The following PPFIA2 variants were observed in gnomAD, a reference collection of about 807,000 sequenced individuals.
The protein encoded by PPFIA2 is PPFI scaffold protein A2.
In PPFIA2, 46 loss-of-function variants were observed where a neutral mutation model predicts 175.5. That is an observed-to-expected ratio of 0.26 (90% CI 0.21 to 0.34). The LOEUF is 0.34. Ranked by LOEUF, PPFIA2 falls within the 10% of genes least tolerant of loss-of-function variation. The pLI is 1.00. For missense variants in PPFIA2, 1,179 were observed against 1,506.1 expected, an observed-to-expected ratio of 0.78 and a Z score of 3.60; for synonymous variants, 568 against 511.4, an observed-to-expected ratio of 1.11 and a Z score of -1.49.
intron 8 of PPFIA2, among the ~76,000 whole-genome samples, chr12:81,399,582 T>C (rs1391657335): frequency 6.6e-6 from 1 of 152,138 alleles, no homozygotes; most frequent in Non-Finnish European, 1.5e-5. Context: ...TTGATACAAC[T>C]TCATGTATAT....
intron 4 of PPFIA2, among the ~76,000 whole-genome samples, chr12:81,461,525 G>A (rs1371131213): frequency 6.6e-6 from 1 of 152,038 alleles, no homozygotes; most frequent in Non-Finnish European, 1.5e-5. Context: ...AGTTGTTGCA[G>A]TTGACCTCAT....
intron 4 of PPFIA2, among the ~76,000 whole-genome samples, chr12:81,468,848 G>T (rs2056226037): frequency 6.6e-6 from 1 of 151,190 alleles, no homozygotes; most frequent in African/African-American, 2.4e-5. Flanking sequence ...ATAGCACTTT[G>T]TGTTATAATA....
intron 4 of PPFIA2, among the ~76,000 whole-genome samples, chr12:81,670,669 C>T (rs773232212): frequency 9.3e-4 from 141 of 152,028 alleles, no homozygotes; most frequent in East Asian, 7.8e-4. Context: ...CATTTAATCT[C>T]TCAGGCCCCT....
At chr12:81,294,150 G>A (rs1223118424) in intron 24 of PPFIA2, among the ~76,000 whole-genome samples, 1 of 152,108 alleles carries the variant, frequency 6.6e-6, no homozygotes, top group African/African-American at 2.4e-5. Flanking sequence ...AAGGGAAGAG[G>A]TTGGTAGGGA....
intron 4 of PPFIA2, among the ~76,000 whole-genome samples, chr12:81,496,435 G>C (rs895589486): frequency 6.6e-6 from 1 of 152,088 alleles, no homozygotes; most frequent in South Asian, 2.1e-4. Context: ...AATGGTATTG[G>C]GGTTATAATA....
At chr12:81,715,551 T>A (rs546368091) in intron 3 of PPFIA2, among the ~76,000 whole-genome samples, 3 of 151,720 alleles carry the variant, frequency 2.0e-5, no homozygotes, top group African/African-American at 7.2e-5. Flanking sequence ...TCAGCTTTTT[T>A]CCCCCAGTAA....
At chr12:81,381,187 T>C (rs2037610249) in intron 9 of PPFIA2, among the ~76,000 whole-genome samples, 2 of 152,086 alleles carry the variant, frequency 1.3e-5, no homozygotes, top group Admixed American at 6.6e-5. Flanking sequence ...ATGAGAGATA[T>C]TCCTTTCTCA....
Position 81,267,878 on chromosome 12 carries a change from G to A in PPFIA2, c.3486+34C>T, listed in dbSNP as rs780354840. 5 of 1,551,910 alleles carry A rather than the reference G, an allele frequency of 3.2e-6. No homozygotes were observed. In the South Asian group the frequency reaches 5.9e-5, roughly 18 times the overall value. On this transcript the variant is annotated intron_variant, in intron 29 of 32. Transcript: ENST00000549396. ...GTTTAGTTTATCATTATATAAACCA[G>A]AACACATTGAGACTACAGCAGAAAG...
At chr12:81,480,073 T>C (rs1194885807) in intron 4 of PPFIA2, among the ~76,000 whole-genome samples, 2 of 152,196 alleles carry the variant, frequency 1.3e-5, no homozygotes, top group Non-Finnish European at 2.9e-5. Context: ...TCTTTTCACA[T>C]AGTCCCATAT....
At chr12:81,703,782 T>C (rs191136069) in intron 3 of PPFIA2, among the ~76,000 whole-genome samples, 1 of 152,102 alleles carries the variant, frequency 6.6e-6, no homozygotes, top group Non-Finnish European at 1.5e-5. Context: ...ATCTTCCTAA[T>C]GCCACTGTGT....
intron 3 of PPFIA2, among the ~76,000 whole-genome samples, chr12:81,720,500 G>A (rs2079174205): frequency 6.6e-6 from 1 of 151,228 alleles, no homozygotes; most frequent in Non-Finnish European, 1.5e-5. Context: ...TGCCCCTTTT[G>A]GTAAAGAGAT....
intron 4 of PPFIA2, among the ~76,000 whole-genome samples, chr12:81,549,824 T>G (rs1416692267): frequency 2.0e-5 from 3 of 152,010 alleles, no homozygotes; most frequent in Non-Finnish European, 4.4e-5. Flanking sequence ...CTGGTCATTT[T>G]CCTGCTGGGG....
chr12:81,561,299 T>G (rs1159243088), intron 4 of PPFIA2, among the ~76,000 whole-genome samples: 2 of 152,188 alleles, frequency 1.3e-5, no homozygotes, highest in Admixed American at 6.5e-5. Context: ...GTTTCAGACA[T>G]AACATTTCAA....
At chr12:81,662,952 C>T (rs1398477244) in intron 4 of PPFIA2, among the ~76,000 whole-genome samples, 7 of 152,138 alleles carry the variant, frequency 4.6e-5, no homozygotes, top group Admixed American at 4.6e-4. Context: ...CAACAAAAAC[C>T]ACATGATTAT....
At chr12:81,476,419 T>C (rs549723224) in intron 4 of PPFIA2, among the ~76,000 whole-genome samples, 1 of 152,340 alleles carries the variant, frequency 6.6e-6, no homozygotes, top group African/African-American at 2.4e-5. Context: ...CATTGCAGAA[T>C]CATCCCTGAA....
chr12:81,506,995 C>A (rs182639766), intron 4 of PPFIA2, among the ~76,000 whole-genome samples: 4 of 152,338 alleles, frequency 2.6e-5, no homozygotes, highest in Admixed American at 2.0e-4. Flanking sequence ...CAATTACACA[C>A]TAACTTCCCT....
At chr12:81,418,103 T>C (rs2045632266) in intron 7 of PPFIA2, among the ~76,000 whole-genome samples, 1 of 151,842 alleles carries the variant, frequency 6.6e-6, no homozygotes, top group Admixed American at 6.6e-5. Flanking sequence ...GTTCAGCCAA[T>C]TAAGGTAAAA....
intron 3 of PPFIA2, among the ~76,000 whole-genome samples, chr12:81,703,296 C>A (rs901211527): frequency 6.6e-6 from 1 of 152,064 alleles, no homozygotes; most frequent in African/African-American, 2.4e-5. Flanking sequence ...TTTAAAATTT[C>A]TCTTTTTTAC....
At chr12:81,578,598 ATACT>A (rs1465850872) in intron 4 of PPFIA2, among the ~76,000 whole-genome samples, 1 of 151,862 alleles carries the variant, frequency 6.6e-6, no homozygotes, top group Non-Finnish European at 1.5e-5. Flanking sequence ...AGAAAGGCTA[ATACT>A]TAGTAGCTTA....
Sources: gnomAD v4.1 joint callset for allele counts (sites outside exome capture counted in the v4.1 genomes callset) on GRCh38, gnomAD v4.1.1 for gene constraint, MANE v1.5 for transcripts, NCBI Gene and HGNC (gene_info 2026-07-23, HGNC 2026-07-21) for gene names.